Variants in PTPRM observed in about 807,000 individuals in gnomAD.
The protein encoded by PTPRM is protein tyrosine phosphatase receptor type M.
In PTPRM, 47 loss-of-function variants were observed where a neutral mutation model predicts 186.7. The observed-to-expected ratio is 0.25, with a 90% CI of 0.20 to 0.32. The LOEUF (loss-of-function observed/expected upper bound fraction) is 0.32. Among genes scored for constraint, PTPRM ranks in the 10% least tolerant of loss-of-function variants. The probability of loss-of-function intolerance (pLI) is 1.00; values close to 1 mark genes in which losing one functional copy is unlikely to be tolerated. For missense variants in PTPRM, 1,494 were observed against 1,865.0 expected, an observed-to-expected ratio of 0.80 and a Z score of 3.66; for synonymous variants, 668 against 674.9, an observed-to-expected ratio of 0.99 and a Z score of 0.16.
rs765809357 is a variant in PTPRM, at chr18:8,394,542, G to C, written c.4275G>C (p.Gln1425His). ...TCGTATGTGAGATGCTCCGGCACCA[G>C]AGAACCGTGGATGTCTTTCACGCTG... ...ISIVCEMLRHQRTVDVFHAVK... is the reference protein window; with the variant it reads ...ISIVCEMLRHHRTVDVFHAVK... Residue 1425 changes from glutamine to histidine, a missense_variant, in exon 32 of 33, where the codon CAG becomes CAC. By Grantham distance (24) the Gln-to-His change is conservative. Coordinates refer to ENST00000580170, the MANE Select transcript of PTPRM (RefSeq NM_001105244.2). 9.3e-6 allele frequency: 15 copies of C among 1,613,830 alleles called. No homozygotes were observed. Among genetic ancestry groups the C allele is most frequent in the Non-Finnish European group, 1.2e-5 (14 of 1,179,916 alleles).
At chr18:7,904,484 A>G (rs2049871924) in intron 3 of PTPRM, among the ~76,000 whole-genome samples, 1 of 152,134 alleles carries the variant, frequency 6.6e-6, no homozygotes. Context: ...GAATCTTAAC[A>G]TTACAAAATG....
intron 1 of PTPRM, among the ~76,000 whole-genome samples, chr18:7,643,173 G>T (rs886899372): frequency 6.6e-6 from 1 of 151,966 alleles, no homozygotes; most frequent in Non-Finnish European, 1.5e-5. Context: ...CCTCCCATGG[G>T]TATTGGCTGG....
chr18:8,024,681 C>CTT (rs397724573), intron 7 of PTPRM, among the ~76,000 whole-genome samples: 10 of 124,834 alleles, frequency 8.0e-5, no homozygotes, highest in Admixed American at 8.6e-5. Flanking sequence ...AAACCCAAAT[C>CTT]TTTTTTTTTT....
At chr18:8,073,516 T>A (rs981606920) in intron 8 of PTPRM, among the ~76,000 whole-genome samples, 11 of 152,222 alleles carry the variant, frequency 7.2e-5, no homozygotes, top group Admixed American at 2.0e-4. Context: ...ATTTCTAATG[T>A]TTTTTGTTGC....
At chr18:8,303,812 A>G (rs2095188733) in intron 20 of PTPRM, among the ~76,000 whole-genome samples, 1 of 152,098 alleles carries the variant, frequency 6.6e-6, no homozygotes, top group Admixed American at 6.5e-5. Context: ...CCGGGTGGAA[A>G]CAAGCAGGGA....
intron 7 of PTPRM, among the ~76,000 whole-genome samples, chr18:7,984,596 TATATATACAC>T (rs1350682778): frequency 1.7e-5 from 2 of 118,004 alleles, no homozygotes; most frequent in African/African-American, 7.0e-5. Context: ...TATATATATA[TATATATACAC>T]ACACACACAC....
rs552705661 is a variant in PTPRM, at chr18:7,883,582, C to G, written c.197-4524C>G. On this transcript the variant is annotated intron_variant, in intron 2 of 32. Coordinates refer to ENST00000580170, the MANE Select transcript of PTPRM (RefSeq NM_001105244.2). ...AAACTCATTGGCACATAATAGTACA[C>G]CACTGTCAGGAAACACGAGTGTGGA... Among the ~76,000 whole-genome samples, 5 of 152,302 alleles carry G rather than the reference C, an allele frequency of 3.3e-5. No homozygotes were observed. The South Asian group carries it at 1.0e-3, about 32-fold the overall frequency.
At chr18:7,908,786 G>T (rs768265687) in intron 4 of PTPRM, among the ~76,000 whole-genome samples, 1 of 152,142 alleles carries the variant, frequency 6.6e-6, no homozygotes, top group Non-Finnish European at 1.5e-5. Context: ...GAAACAGCAG[G>T]GTAAATTTAG....
intron 1 of PTPRM, among the ~76,000 whole-genome samples, chr18:7,767,081 T>C (rs1242074013): frequency 6.6e-6 from 1 of 152,206 alleles, no homozygotes; most frequent in Non-Finnish European, 1.5e-5. Context: ...ATGGTAGCTG[T>C]TGATACCAGA....
At chr18:8,266,705 T>G (rs2094705028) in intron 19 of PTPRM, among the ~76,000 whole-genome samples, 1 of 152,106 alleles carries the variant, frequency 6.6e-6, no homozygotes, top group African/African-American at 2.4e-5. Flanking sequence ...GTGAGGAGTT[T>G]GAGACCAGCC....
intron 1 of PTPRM, among the ~76,000 whole-genome samples, chr18:7,631,591 T>C (rs1176119891): frequency 6.6e-6 from 1 of 152,166 alleles, no homozygotes; most frequent in Admixed American, 6.5e-5. Flanking sequence ...AGGATGGCTT[T>C]GAATGTGGCC....
intron 1 of PTPRM, among the ~76,000 whole-genome samples, chr18:7,578,833 C>A (rs1006497583): frequency 1.3e-5 from 2 of 151,992 alleles, no homozygotes; most frequent in South Asian, 4.2e-4. Flanking sequence ...GTCAGGGGCC[C>A]CTGGGGTGAT....
At chr18:7,807,044 T>G (rs1233358488) in intron 2 of PTPRM, among the ~76,000 whole-genome samples, 1 of 152,230 alleles carries the variant, frequency 6.6e-6, no homozygotes, top group Non-Finnish European at 1.5e-5. Context: ...GTGCTTTTTT[T>G]GAGAGTCTTG....
chr18:8,324,153 TCA>T (rs1283136896), intron 22 of PTPRM, among the ~76,000 whole-genome samples: 2 of 152,238 alleles, frequency 1.3e-5, no homozygotes, highest in Non-Finnish European at 2.9e-5. Flanking sequence ...TAACAAAATG[TCA>T]CAGATTGTTT....
intron 2 of PTPRM, among the ~76,000 whole-genome samples, chr18:7,775,506 C>T (rs149358485): frequency 2.4e-4 from 37 of 152,180 alleles, no homozygotes; most frequent in Admixed American, 8.5e-4. Flanking sequence ...GCCGTCGTTT[C>T]CCAAACAGGT....
chr18:8,016,458 C>T (rs572562563), intron 7 of PTPRM, among the ~76,000 whole-genome samples: 43 of 146,440 alleles, frequency 2.9e-4, no homozygotes, highest in Admixed American at 2.5e-3. Context: ...ATGGCGGAGG[C>T]GGAGGCGGAG....
At chr18:7,584,771 T>G (rs1229397301) in intron 1 of PTPRM, among the ~76,000 whole-genome samples, 1 of 152,208 alleles carries the variant, frequency 6.6e-6, no homozygotes, top group African/African-American at 2.4e-5. Flanking sequence ...TACCTAGCAC[T>G]GAGAGTGAAA....
chr18:7,653,092 A>G (rs2038757526), intron 1 of PTPRM, among the ~76,000 whole-genome samples: 1 of 150,888 alleles, frequency 6.6e-6, no homozygotes. Context: ...GGAATTGGAA[A>G]TTAAAACAGA....
intron 30 of PTPRM, among the ~76,000 whole-genome samples, chr18:8,385,141 C>T (rs183157824): frequency 2.6e-5 from 4 of 152,184 alleles, no homozygotes; most frequent in Admixed American, 1.3e-4. Context: ...ACCAGACATC[C>T]GAGGAACCTG....
Sources: gnomAD v4.1 joint callset for allele counts (sites outside exome capture counted in the v4.1 genomes callset) on GRCh38, gnomAD v4.1.1 for gene constraint, MANE v1.5 for transcripts, NCBI Gene and HGNC (gene_info 2026-07-23, HGNC 2026-07-21) for gene names.